Variants in ADAMTS2 observed in about 807,000 individuals in gnomAD.
ADAMTS2 encodes A disintegrin and metalloproteinase with thrombospondin motifs 2.
Under a neutral mutation model 123.0 loss-of-function variants are expected in ADAMTS2, and 50 were observed. The ratio of observed to expected loss-of-function variants is 0.41; its 90% CI spans 0.32 to 0.51. The LOEUF is 0.51. Among genes scored for constraint, ADAMTS2 ranks in the 20% least tolerant of loss-of-function variants. The pLI is 0.35. For missense variants in ADAMTS2, 1,494 were observed against 1,705.2 expected (o/e 0.88, Z 2.18); for synonymous variants, 678 against 695.4 (o/e 0.98, Z 0.39).
At chr5:179,295,851 T>A (rs186884766) in intron 2 of ADAMTS2, among the ~76,000 whole-genome samples, 30 of 152,258 alleles carry the variant, frequency 2.0e-4, no homozygotes, top group Admixed American at 1.6e-3. Flanking sequence ...CCCTTCCATA[T>A]TCCGCTGAAA....
intron 3 of ADAMTS2, among the ~76,000 whole-genome samples, chr5:179,248,020 A>G (rs466912): frequency 0.17 from 25,992 of 152,180 alleles, 2,996 homozygotes; most frequent in Non-Finnish European, 0.25. Context: ...CTATAGATGC[A>G]TAAAGCAATA....
intron 10 of ADAMTS2, among the ~76,000 whole-genome samples, chr5:179,145,990 T>C (rs1324854526): frequency 6.6e-6 from 1 of 152,150 alleles, no homozygotes; most frequent in Admixed American, 6.5e-5. Flanking sequence ...GTAGTTGGGA[T>C]TATAGGTGCC....
At chr5:179,265,929 A>G (rs35754) in intron 3 of ADAMTS2, among the ~76,000 whole-genome samples, 93,146 of 152,016 alleles carry the variant, frequency 0.61, 29,077 homozygotes, top group African/African-American at 0.74. Context: ...TGAGCTGAGA[A>G]GACTCCAGGG....
chr5:179,336,156 G>A (rs1048267172), intron 2 of ADAMTS2, among the ~76,000 whole-genome samples: 1 of 152,162 alleles, frequency 6.6e-6, no homozygotes, highest in Non-Finnish European at 1.5e-5. Flanking sequence ...GGATGCAATC[G>A]GCGGGTCTCA....
At chr5:179,219,314 A>G (rs1267151264) in intron 3 of ADAMTS2, among the ~76,000 whole-genome samples, 1 of 152,214 alleles carries the variant, frequency 6.6e-6, no homozygotes, top group Non-Finnish European at 1.5e-5. Flanking sequence ...ACCCCTGGAC[A>G]TCCTAATTCT....
At position 179,132,178 on chromosome 5, in the gene ADAMTS2, C is replaced by T. The variant is rs1450477224; in HGVS notation, c.2290+52G>A. The T allele has an allele frequency of 5.1e-6, 8 of 1,567,094 alleles. No individual in the cohort carries two copies. Among genetic ancestry groups the T allele is most frequent in the Non-Finnish European group, 4.4e-6 (5 of 1,139,988 alleles). On this transcript the variant is annotated intron_variant, in intron 15 of 21. Transcript: ENST00000251582. This position sits in a 1 kb window ranked among gnomAD's most constrained non-coding sequence, Gnocchi z 6.1. ...GACCCCTGGCACTCTGCCCATTGATCCCAGAGGAGCCAGGTCCTGAGGACG... is the reference window on the plus strand; with the variant it reads ...GACCCCTGGCACTCTGCCCATTGATTCCAGAGGAGCCAGGTCCTGAGGACG...
At chr5:179,179,232 C>T (rs565866312) in intron 5 of ADAMTS2, among the ~76,000 whole-genome samples, 18 of 150,476 alleles carry the variant, frequency 1.2e-4, no homozygotes, top group East Asian at 5.9e-4. Flanking sequence ...CAGGTGTGAG[C>T]GACCATGCCT....
Position 179,207,657 on chromosome 5 carries a change from G to T in ADAMTS2, c.747C>A (p.His249Gln). ...LSRALGVLEEHANSSRRRARR... is the reference protein window; with the variant it reads ...LSRALGVLEEQANSSRRRARR... ...GTGCCCTCCGCCTCGAGCTGTTGGC[G>T]TGCTCCTCTAGGACGCCCAGGGCGC... Residue 249 changes from histidine to glutamine, a missense_variant, in exon 4 of 22, where the codon CAC (histidine) becomes CAA (glutamine). Coordinates refer to ENST00000251582, the MANE Select transcript of ADAMTS2 (RefSeq NM_014244.5). The T allele has an allele frequency of 6.2e-7, 1 of 1,613,652 alleles. No individual in the cohort carries two copies.
In ADAMTS2 at chr5:179,217,916, C is replaced by T. The variant is rs1008546928; in HGVS notation, c.689-10201G>A. ...AGGTAGGGGATGGCCTGAGGGCAGA[C>T]GGCACACTCACTGAGGCACCTGCAC... On this transcript the variant is annotated intron_variant, in intron 3 of 21. Transcript: ENST00000251582. Among the ~76,000 whole-genome samples the T allele has an allele frequency of 5.6e-5, 7 of 125,780 alleles. No individual in the cohort carries two copies. In the South Asian group the frequency reaches 7.5e-4, roughly 13 times the overall value. 82.5% of individuals were successfully genotyped at this position (125,780 alleles called of 152,430 possible).
At chr5:179,159,526 A>G (rs1763555787) in intron 5 of ADAMTS2, among the ~76,000 whole-genome samples, 1 of 152,236 alleles carries the variant, frequency 6.6e-6, no homozygotes, top group Non-Finnish European at 1.5e-5. Context: ...ATCAAGAACA[A>G]GGGCATACAC....
chr5:179,333,596 G>GTTTT (rs1219136980), intron 2 of ADAMTS2, among the ~76,000 whole-genome samples: 32 of 105,950 alleles, frequency 3.0e-4, no homozygotes, highest in Admixed American at 4.5e-4. Flanking sequence ...GTTTTTTTCT[G>GTTTT]TTTTTTTTTT....
chr5:179,151,360 G>C (rs1467129046), intron 10 of ADAMTS2, among the ~76,000 whole-genome samples: 8 of 152,190 alleles, frequency 5.3e-5, no homozygotes, highest in African/African-American at 1.9e-4. Flanking sequence ...ACTAAAATTA[G>C]GCAGCTGGCC....
intron 17 of ADAMTS2, 36 bp downstream of exon 17, chr5:179,127,923 A>C: frequency 6.2e-7 from 1 of 1,611,736 alleles, no homozygotes. Flanking sequence ...GGTCACCCTC[A>C]TGTCACCCAG....
At chr5:179,119,668 T>C (rs1222409955) in intron 21 of ADAMTS2, among the ~76,000 whole-genome samples, 1 of 152,118 alleles carries the variant, frequency 6.6e-6, no homozygotes, top group African/African-American at 2.4e-5. Flanking sequence ...GCCCCCCACC[T>C]GAGCCGGATG....
intron 10 of ADAMTS2, among the ~76,000 whole-genome samples, chr5:179,141,542 T>C (rs1049472243): frequency 4.6e-5 from 7 of 151,820 alleles, no homozygotes; most frequent in African/African-American, 1.5e-4. Context: ...TCCTAAGGTC[T>C]AAACAACAAA....
intron 5 of ADAMTS2, among the ~76,000 whole-genome samples, chr5:179,176,725 T>C (rs1201894417): frequency 1.3e-5 from 2 of 152,228 alleles, no homozygotes; most frequent in African/African-American, 2.4e-5. Context: ...GAAATGCACA[T>C]GGGATCGTGT....
At chr5:179,178,268 G>C (rs74804946) in intron 5 of ADAMTS2, among the ~76,000 whole-genome samples, 93 of 25,802 alleles carry the variant, frequency 3.6e-3, no homozygotes, top group East Asian at 0.016. Context: ...GATCCCCCCC[G>C]CACCTCCCCG....
At chr5:179,251,922 C>T (rs1765935292) in intron 3 of ADAMTS2, among the ~76,000 whole-genome samples, 1 of 151,826 alleles carries the variant, frequency 6.6e-6, no homozygotes, top group Non-Finnish European at 1.5e-5. Context: ...GAGGATCTGG[C>T]AACACTGACC....
chr5:179,221,614 G>A (rs1765127929), intron 3 of ADAMTS2, among the ~76,000 whole-genome samples: 1 of 152,120 alleles, frequency 6.6e-6, no homozygotes, highest in African/African-American at 2.4e-5. Flanking sequence ...ATGCCCTGAT[G>A]TCCCATCCTC....
Sources: allele counts gnomAD v4.1 joint callset (sites outside exome capture counted in the v4.1 genomes callset), GRCh38; gene constraint gnomAD v4.1.1; non-coding constraint Gnocchi (gnomAD v3.1); transcripts MANE v1.5; gene names NCBI Gene and HGNC (gene_info 2026-07-23, HGNC 2026-07-21).